RBM14: variants seen among roughly 807,000 people sequenced by gnomAD.
RBM14 encodes the protein RNA binding motif protein 14, also known as RNA-binding protein 14.
A neutral mutation model predicts 52.8 loss-of-function variants in RBM14; 5 were observed. The observed-to-expected ratio is 0.09, with a 90% CI of 0.05 to 0.20. The LOEUF (loss-of-function observed/expected upper bound fraction) is 0.20, where lower values mean the gene tolerates loss of function less well. Among genes scored for constraint, RBM14 ranks in the 10% least tolerant of loss-of-function variants. RBM14 has a pLI of 1.00. For synonymous variants in RBM14, 411 were observed against 401.8 expected (o/e 1.02, Z -0.28); for missense variants, 780 against 926.6 (o/e 0.84, Z 2.05).
chr11:66,617,063 G>C lies in RBM14; in HGVS notation c.337+6G>C, dbSNP rs759322232. ...CGAGTGTGACGTGGTGAAAGGTAAC[G>C]CGGAGGCGCGCTCGGGGGCGGGGGC... is the stretch of plus-strand genomic sequence containing the variant. On this transcript the variant is annotated splice_donor_region_variant and intron_variant, in intron 1 of 2. Transcript: ENST00000310137. 6.4e-7 allele frequency: 1 copy of C among 1,566,966 alleles called. No homozygotes were observed. The highest frequency in any genetic ancestry group is 1.2e-5 in the South Asian group (1 of 86,536).
chr11:66,623,342 G>C (rs1310739319), intron 1 of RBM14, among the ~76,000 whole-genome samples: 1 of 152,154 alleles, frequency 6.6e-6, no homozygotes, highest in South Asian at 2.1e-4. Flanking sequence ...ATACCTCATT[G>C]GCTTACACAG....
Position 66,624,771 on chromosome 11 carries a change from G to C in RBM14, c.895G>C (p.Ala299Pro). The C allele has an allele frequency of 1.2e-6, 2 of 1,614,030 alleles. No individual in the cohort carries two copies. Among genetic ancestry groups the C allele is most frequent in the Non-Finnish European group, 1.7e-6 (2 of 1,179,966 alleles). The stretch of plus-strand genomic sequence containing the variant: ...TAGTCCTAGCTCCCAGTCTGCTGCA[G>C]CTTCTTCACTCGGCCCATATGGTGG... ...LASPSSQSAA[A>P]SSLGPYGGAQ... Residue 299 changes from alanine to proline, a missense_variant, in exon 2 of 3, where the codon GCT becomes CCT. By Grantham distance (27) the Ala-to-Pro change is conservative (BLOSUM62 -1). Coordinates refer to ENST00000310137, the MANE Select transcript of RBM14 (RefSeq NM_006328.4). The surrounding 1 kb of genome is among the most constrained non-coding windows in gnomAD (Gnocchi z 4.7).
chr11:66,628,534 G>T lies in RBM14; in HGVS notation c.*1866G>T, dbSNP rs1937920018. Among the ~76,000 whole-genome samples, 1 of 152,006 alleles carries T rather than the reference G, an allele frequency of 6.6e-6. No homozygotes were observed. The highest frequency in any genetic ancestry group is 2.4e-5 in the African/African-American group (1 of 41,370). ...GGATGCTAACTGGGGTAATCTCAGG[G>T]AGTACTGGGGCCATGGCTCTTTCCC... On this transcript the variant is annotated 3_prime_UTR_variant, in exon 3 of 3. Coordinates refer to ENST00000310137, the MANE Select transcript of RBM14 (RefSeq NM_006328.4).
chr11:66,626,421 C>A (rs761636208), intron 2 of RBM14, 40 bp from the exon 3 acceptor site: 1 of 1,572,938 alleles, frequency 6.4e-7, no homozygotes, highest in Non-Finnish European at 8.7e-7. Flanking sequence ...GTCCTCCCCT[C>A]AATTGTCTCA....
chr11:66,617,149 T>A, intron 1 of RBM14, 92 bp downstream of exon 1: 2 of 1,495,534 alleles, frequency 1.3e-6, no homozygotes, highest in Non-Finnish European at 1.8e-6. Context: ...CACTGCGCGG[T>A]TGGGAGGGGT....
Position 66,625,617 on chromosome 11 carries a change from C to T in RBM14, c.1741C>T (p.Leu581Phe). 6.2e-7 allele frequency: 1 copy of T among 1,613,172 alleles called. No homozygotes were observed. Among genetic ancestry groups the T allele is most frequent in the Non-Finnish European group, 8.5e-7 (1 of 1,180,004 alleles). ...CCCGCCGCCCTATGAGCGTACCCGC[C>T]TCTCCCCACCCCGGGCCAGCTACGA... ...STPPPYERTR[L>F]SPPRASYDDP... Residue 581 changes from leucine to phenylalanine, a missense_variant, in exon 2 of 3, where the codon CTC becomes TTC. This residue lies in a region of RBM14 where 675 missense variants were observed against 697.3 expected (regional missense o/e 0.97). Coordinates refer to ENST00000310137, the MANE Select transcript of RBM14 (RefSeq NM_006328.4). The surrounding 1 kb of genome is among the most constrained non-coding windows in gnomAD (Gnocchi z 4.2).
At position 66,629,368 on chromosome 11, in the gene RBM14, C is replaced by A. The variant is rs534165328; in HGVS notation, c.*2700C>A. On this transcript the variant is annotated 3_prime_UTR_variant, in exon 3 of 3. Coordinates refer to ENST00000310137, the MANE Select transcript of RBM14 (RefSeq NM_006328.4). The stretch of plus-strand genomic sequence containing the variant: ...AGAGGCTTTTAGCCTTGTCAGCCTG[C>A]CCTCTTCTGAGGTTTGGACCTTGTT... Among the ~76,000 whole-genome samples, 1 of 152,196 alleles carries A rather than the reference C, an allele frequency of 6.6e-6. No individual in the cohort carries two copies. Among genetic ancestry groups the A allele is most frequent in the South Asian group, 2.1e-4 (1 of 4,834 alleles).
At position 66,629,822 on chromosome 11, in the gene RBM14, T is replaced by C. The variant is rs1298943880; in HGVS notation, c.*3154T>C. On this transcript the variant is annotated 3_prime_UTR_variant, in exon 3 of 3. Transcript: ENST00000310137. ...CAGGTGTGGTAGCTCACACCTGTAA[T>C]TCCCAGCGCTTTGGGAATTTGAGGC... is the stretch of plus-strand genomic sequence containing the variant. Among the ~76,000 whole-genome samples the C allele has an allele frequency of 6.6e-6, 1 of 152,054 alleles. No individual in the cohort carries two copies. Among genetic ancestry groups the C allele is most frequent in the African/African-American group, 2.4e-5 (1 of 41,410 alleles).
rs2135026219 is a variant in RBM14 at position 66,626,551 on chromosome 11, C to T, written c.1893C>T (p.Ser631=). 1 of 1,614,042 alleles carries T rather than the reference C, an allele frequency of 6.2e-7. No homozygotes were observed. The highest frequency in any genetic ancestry group is 1.1e-5 in the South Asian group (1 of 91,090). The change falls in exon 3 of 3, where the codon TCC becomes TCT. Residue 631 remains serine, a synonymous_variant. Coordinates refer to ENST00000310137, the MANE Select transcript of RBM14 (RefSeq NM_006328.4). The part of the protein sequence containing the change: ...QLSFRRSPTK[S]SLDYRRLPDA... ...CGTTCCGCCGCTCGCCGACAAAGTCCTCGCTGGATTACCGTCGCCTGCCCG... is the reference window on the plus strand; with the variant it reads ...CGTTCCGCCGCTCGCCGACAAAGTCTTCGCTGGATTACCGTCGCCTGCCCG...
At position 66,616,654 on chromosome 11, in the gene RBM14, T is replaced by G. The variant is rs1024472880; in HGVS notation, c.-67T>G. 6.7e-7 allele frequency: 1 copy of G among 1,500,092 alleles called. No homozygotes were observed. Among genetic ancestry groups the G allele is most frequent in the African/African-American group, 1.4e-5 (1 of 71,256 alleles). The allele number at this position is 1,500,092 out of a possible 1,614,324, so 92.9% of individuals were successfully genotyped here. A position where few individuals can be genotyped will look rare whatever the true frequency, so the allele number is the denominator to read the frequency against. ...CATTCCTGAGGAGGACTGCCGGTCG[T>G]TCGGACGTCTTGCCTGTCGCTGGAG... On this transcript the variant is annotated 5_prime_UTR_variant, in exon 1 of 3. Transcript: ENST00000310137.
chr11:66,625,188 A>G lies in RBM14; in HGVS notation c.1312A>G (p.Thr438Ala). ...TGCTGCCTATGTGGCACAGCCAGCC[A>G]CAGCTGCTGCCTATGCCAGCCAGCC... Reference protein sequence around the residue: ...QPAAYVAQPATAAAYASQPAA... With the variant: ...QPAAYVAQPAAAAAYASQPAA... The change falls in exon 2 of 3, where the codon ACA becomes GCA. Residue 438 changes from threonine to alanine, a missense_variant. Thr to Ala is a moderately conservative substitution (Grantham distance 58, BLOSUM62 0). Coordinates refer to ENST00000310137, the MANE Select transcript of RBM14 (RefSeq NM_006328.4). This position sits in a 1 kb window ranked among gnomAD's most constrained non-coding sequence, Gnocchi z 4.2. The G allele has an allele frequency of 1.9e-6, 3 of 1,612,002 alleles. No homozygotes were observed. Among genetic ancestry groups the G allele is most frequent in the African/African-American group, 1.3e-5 (1 of 74,904 alleles).
In RBM14 at chr11:66,625,668, A is replaced by G. The variant is rs1182576493; in HGVS notation, c.1792A>G (p.Met598Val). ...CGATCCCTACAAAAAGGCTGTCGCC[A>G]TGTCGAAAAGGTACTGTATGCCCCC... ...YDDPYKKAVAMSKRYGSDRRL... is the reference protein window; with the variant it reads ...YDDPYKKAVAVSKRYGSDRRL... The change falls in exon 2 of 3, where the codon ATG becomes GTG. Residue 598 changes from methionine (M) to valine (V), a missense_variant. Met to Val is a conservative substitution (Grantham distance 21, BLOSUM62 1). This residue lies in a region of RBM14 where 675 missense variants were observed against 697.3 expected (regional missense o/e 0.97). Coordinates refer to ENST00000310137, the MANE Select transcript of RBM14 (RefSeq NM_006328.4). The surrounding 1 kb of genome is among the most constrained non-coding windows in gnomAD (Gnocchi z 4.2). The G allele has an allele frequency of 2.5e-6, 4 of 1,609,454 alleles. No individual in the cohort carries two copies. Among genetic ancestry groups the G allele is most frequent in the South Asian group, 1.1e-5 (1 of 90,972 alleles).
rs747364495 is a variant in RBM14 at position 66,624,976 on chromosome 11, C to T, written c.1100C>T (p.Thr367Ile). Residue 367 changes from threonine (T) to isoleucine (I), a missense_variant, in exon 2 of 3, where the codon ACC becomes ATC. This residue lies in a region of RBM14 where 675 missense variants were observed against 697.3 expected (regional missense o/e 0.97). Transcript: ENST00000310137. This position sits in a 1 kb window ranked among gnomAD's most constrained non-coding sequence, Gnocchi z 4.7. ...CGTGCAGCTGCTTCTTCCTACAACA[C>T]CCAGGGAGCAGCTTCCTCCTTAGGC... ...GVRAAASSYN[T>I]QGAASSLGSY... 1.9e-6 allele frequency: 3 copies of T among 1,614,000 alleles called. No individual in the cohort carries two copies. The highest frequency in any genetic ancestry group is 1.7e-6 in the Non-Finnish European group (2 of 1,179,970).
intron 2 of RBM14, 21 bp from the exon 3 acceptor site, chr11:66,626,440 C>CT: frequency 1.2e-6 from 2 of 1,600,778 alleles, no homozygotes; most frequent in Non-Finnish European, 1.7e-6. Flanking sequence ...CATTCACCAA[C>CT]TGTCTTCTTC....
Position 66,624,836 on chromosome 11 carries a change from T to C in RBM14, c.960T>C (p.Gly320=). ...CCTCGGCCCTTTCCTCCTATGGGGG[T>C]CAGGCAGCTGCAGCTTCTTCGCTCA... ...PSASALSSYG[G]QAAAASSLNS... The change falls in exon 2 of 3, where the codon GGT becomes GGC. Residue 320 remains glycine, a synonymous_variant. Transcript: ENST00000310137. The surrounding 1 kb of genome is among the most constrained non-coding windows in gnomAD (Gnocchi z 4.7). The C allele has an allele frequency of 6.2e-7, 1 of 1,613,080 alleles. No individual in the cohort carries two copies. Among genetic ancestry groups the C allele is most frequent in the Non-Finnish European group, 8.5e-7 (1 of 1,179,728 alleles).
rs755849631 is a variant in RBM14 at position 66,627,034 on chromosome 11, G to A, written c.*366G>A. The A allele has an allele frequency of 3.3e-5, 6 of 182,738 alleles. No homozygotes were observed. Among genetic ancestry groups the A allele is most frequent in the Non-Finnish European group, 5.7e-5 (5 of 88,162 alleles). 11.3% of individuals were successfully genotyped at this position (182,738 alleles called of 1,614,324 possible). On this transcript the variant is annotated 3_prime_UTR_variant, in exon 3 of 3. Transcript: ENST00000310137. ...GAAGCAACCTGCAGCTGAGGTCGCC[G>A]GCGCCTTTTTCTTTTTAGATGGGAA...
chr11:66,625,121 C>A lies in RBM14; in HGVS notation c.1245C>A (p.Ala415=). 6.2e-7 allele frequency: 1 copy of A among 1,613,312 alleles called. No individual in the cohort carries two copies. Among genetic ancestry groups the A allele is most frequent in the Non-Finnish European group, 8.5e-7 (1 of 1,179,986 alleles). Residue 415 remains alanine, a synonymous_variant, in exon 2 of 3, where the codon GCC becomes GCA. Coordinates refer to ENST00000310137, the MANE Select transcript of RBM14 (RefSeq NM_006328.4). This position sits in a 1 kb window ranked among gnomAD's most constrained non-coding sequence, Gnocchi z 4.2. The part of the protein sequence containing the change: ...QPSASYNAQS[A]PYAAQQAASY... ...CGGCCTCTTACAATGCCCAGTCTGC[C>A]CCATATGCTGCACAGCAGGCTGCTT...
At chr11:66,617,823 G>T (rs1188121557) in intron 1 of RBM14, among the ~76,000 whole-genome samples, 1 of 152,172 alleles carries the variant, frequency 6.6e-6, no homozygotes, top group Non-Finnish European at 1.5e-5. Flanking sequence ...CCCCTTCTGC[G>T]TAGTCTTTAC....
At chr11:66,620,926 T>C (rs1049852764) in intron 1 of RBM14, 1 of 152,058 alleles carries the variant, frequency 6.6e-6, no homozygotes, top group Non-Finnish European at 1.5e-5. Context: ...GCCTTTCTGC[T>C]TGCCATCTCC....
Sources: gnomAD v4.1 joint callset for allele counts (sites outside exome capture counted in the v4.1 genomes callset) on GRCh38, gnomAD v4.1.1 for gene constraint, gnomAD v4.1.1 regional missense constraint, Gnocchi (gnomAD v3.1) non-coding constraint, MANE v1.5 for transcripts, NCBI Gene and HGNC (gene_info 2026-07-23, HGNC 2026-07-21) for gene names.